OPCML: variants seen among roughly 807,000 people sequenced by gnomAD.
The protein encoded by OPCML is opioid binding protein/cell adhesion molecule like.
A neutral mutation model predicts 37.8 loss-of-function variants in OPCML; 13 were observed. That is an observed-to-expected ratio of 0.34 (90% CI 0.22 to 0.55). The LOEUF (loss-of-function observed/expected upper bound fraction) is 0.55. OPCML is among the 20% of genes least tolerant of loss of function. The probability of loss-of-function intolerance (pLI) is 0.91; values close to 1 mark genes in which losing one functional copy is unlikely to be tolerated. For missense variants in OPCML, 341 were observed against 435.6 expected, an observed-to-expected ratio of 0.78 and a Z score of 1.93; for synonymous variants, 176 against 168.8, an observed-to-expected ratio of 1.04 and a Z score of -0.33.
chr11:132,940,699 C>G (rs180797638), intron 2 of OPCML, among the ~76,000 whole-genome samples: 1 of 152,106 alleles, frequency 6.6e-6, no homozygotes, highest in East Asian at 1.9e-4. Context: ...TGGGGACACA[C>G]AGAAATTTGC....
At chr11:133,195,531 G>A (rs1938503544) in intron 1 of OPCML, among the ~76,000 whole-genome samples, 1 of 152,122 alleles carries the variant, frequency 6.6e-6, no homozygotes, top group African/African-American at 2.4e-5. Flanking sequence ...ACCCAATCAA[G>A]TGCCATGGAC....
chr11:132,637,781 A>G (rs986853863), intron 3 of OPCML, among the ~76,000 whole-genome samples: 1 of 152,160 alleles, frequency 6.6e-6, no homozygotes, highest in Non-Finnish European at 1.5e-5. Flanking sequence ...CATTGTCCAT[A>G]TGGAACTTTC....
chr11:133,450,418 A>T (rs1340231343), intron 1 of OPCML, among the ~76,000 whole-genome samples: 4 of 151,262 alleles, frequency 2.6e-5, no homozygotes, highest in African/African-American at 9.8e-5. Flanking sequence ...AAGATTTCTC[A>T]CTTTGACATT....
At chr11:133,384,462 C>T (rs1463454888) in intron 1 of OPCML, among the ~76,000 whole-genome samples, 2 of 152,106 alleles carry the variant, frequency 1.3e-5, no homozygotes, top group African/African-American at 4.8e-5. Context: ...ACAAGAAAGA[C>T]CCTAATAAAA....
chr11:132,871,716 C>T (rs1188972248), intron 2 of OPCML, among the ~76,000 whole-genome samples: 3 of 152,230 alleles, frequency 2.0e-5, no homozygotes, highest in Non-Finnish European at 4.4e-5. Flanking sequence ...TCAGACTACG[C>T]ACTCAAATAG....
At chr11:132,749,066 GC>G (rs1289715773) in intron 2 of OPCML, among the ~76,000 whole-genome samples, 10 of 152,112 alleles carry the variant, frequency 6.6e-5, no homozygotes. Context: ...AAGTGATCAG[GC>G]TATGAGGGTG....
chr11:132,796,109 G>A (rs1206950115), intron 2 of OPCML, among the ~76,000 whole-genome samples: 1 of 152,152 alleles, frequency 6.6e-6, no homozygotes, highest in Non-Finnish European at 1.5e-5. Flanking sequence ...ATGTGTGTAG[G>A]TTATATGCAA....
intron 1 of OPCML, among the ~76,000 whole-genome samples, chr11:133,282,861 G>A (rs1256003616): frequency 6.6e-6 from 1 of 152,194 alleles, no homozygotes; most frequent in African/African-American, 2.4e-5. Flanking sequence ...GATCTTTAAG[G>A]TGTAATGGCT....
intron 2 of OPCML, among the ~76,000 whole-genome samples, chr11:132,838,065 G>T (rs1338068631): frequency 6.6e-6 from 1 of 152,086 alleles, no homozygotes; most frequent in Non-Finnish European, 1.5e-5. Flanking sequence ...CTACTAATTT[G>T]TATACATGCT....
intron 1 of OPCML, among the ~76,000 whole-genome samples, chr11:133,372,123 T>A (rs1244076480): frequency 1.3e-5 from 2 of 152,004 alleles, no homozygotes; most frequent in African/African-American, 4.8e-5. Flanking sequence ...CACAGTAGAG[T>A]GACTATGGTT....
At chr11:133,040,906 A>G (rs1947880290) in intron 1 of OPCML, among the ~76,000 whole-genome samples, 1 of 152,204 alleles carries the variant, frequency 6.6e-6, no homozygotes, top group Non-Finnish European at 1.5e-5. Context: ...AGATTTCATA[A>G]TACAAAGAGC....
At chr11:133,186,316 G>A (rs1938069701) in intron 1 of OPCML, among the ~76,000 whole-genome samples, 1 of 152,150 alleles carries the variant, frequency 6.6e-6, no homozygotes, top group Admixed American at 6.5e-5. Context: ...AGATTTTTAA[G>A]GACACATAAC....
intron 1 of OPCML, among the ~76,000 whole-genome samples, chr11:133,260,986 G>A (rs1274786769): frequency 6.6e-6 from 1 of 152,174 alleles, no homozygotes; most frequent in Admixed American, 6.5e-5. Flanking sequence ...TCTCCGAAGT[G>A]CAGCTCCAGG....
At chr11:132,473,821 G>A (rs1177465346) in intron 4 of OPCML, among the ~76,000 whole-genome samples, 2 of 151,792 alleles carry the variant, frequency 1.3e-5, no homozygotes, top group Non-Finnish European at 2.9e-5. Context: ...GTGAAACTCT[G>A]TCACACAAAA....
chr11:133,530,711 C>G (rs1466237822), intron 1 of OPCML, among the ~76,000 whole-genome samples: 1 of 152,224 alleles, frequency 6.6e-6, no homozygotes, highest in Non-Finnish European at 1.5e-5. Flanking sequence ...CAGCCTAAAA[C>G]AAACAGCTGG....
chr11:132,436,832 G>C (rs1429242956), intron 5 of OPCML, 53 bp from the exon 6 acceptor site: 2 of 1,579,178 alleles, frequency 1.3e-6, no homozygotes, highest in South Asian at 1.1e-5. Context: ...CGCACACACA[G>C]AGTGATTTCG....
chr11:133,155,349 G>A (rs897278004), intron 1 of OPCML, among the ~76,000 whole-genome samples: 3 of 151,920 alleles, frequency 2.0e-5, no homozygotes, highest in Admixed American at 6.6e-5. Context: ...TGAATCTGTC[G>A]AGCTCTGAAG....
At chr11:133,120,489 G>A (rs1949403621) in intron 1 of OPCML, among the ~76,000 whole-genome samples, 1 of 152,190 alleles carries the variant, frequency 6.6e-6, no homozygotes, top group South Asian at 2.1e-4. Context: ...CATTTTTTAT[G>A]AATCAACTGA....
intron 3 of OPCML, among the ~76,000 whole-genome samples, chr11:132,599,803 A>C (rs2137767856): frequency 1.3e-5 from 2 of 152,310 alleles, no homozygotes; most frequent in Middle Eastern, 6.8e-3. Context: ...GATGTATTTC[A>C]TTCTTTTTAT....
Sources: allele counts gnomAD v4.1 joint callset (sites outside exome capture counted in the v4.1 genomes callset), GRCh38; gene constraint gnomAD v4.1.1; transcripts MANE v1.5; gene names NCBI Gene and HGNC (gene_info 2026-07-23, HGNC 2026-07-21).